The following RBM6 variants were observed in gnomAD, a reference collection of about 807,000 sequenced individuals.
RBM6 encodes the protein RNA-binding protein 6.
A neutral mutation model predicts 140.4 loss-of-function variants in RBM6; 23 were observed. That is an observed-to-expected ratio of 0.16 (90% CI 0.12 to 0.23). RBM6 has a LOEUF of 0.23. Ranked by LOEUF, RBM6 falls within the 10% of genes least tolerant of loss-of-function variation. The pLI is 1.00. For missense variants in RBM6, 1,139 were observed against 1,386.7 expected (o/e 0.82, Z 2.84); for synonymous variants, 439 against 475.6 (o/e 0.92, Z 1.00).
intron 1 of RBM6, among the ~76,000 whole-genome samples, chr3:49,951,031 A>G (rs1307250297): frequency 2.6e-5 from 4 of 152,174 alleles, no homozygotes; most frequent in African/African-American, 4.8e-5. Context: ...AAGGAAGGTA[A>G]TTCTGACATA....
At chr3:50,050,528 C>T (rs181101083) in intron 7 of RBM6, among the ~76,000 whole-genome samples, 5 of 152,144 alleles carry the variant, frequency 3.3e-5, no homozygotes, top group African/African-American at 4.8e-5. Context: ...TTTGTTTGAA[C>T]AGCTGTTTTC....
At chr3:49,993,602 A>G (rs2085929204) in intron 5 of RBM6, among the ~76,000 whole-genome samples, 1 of 152,108 alleles carries the variant, frequency 6.6e-6, no homozygotes, top group Admixed American at 6.5e-5. Context: ...AGATTGCGCC[A>G]CTGCACTCCA....
Position 49,968,619 on chromosome 3 carries a change from C to T in RBM6, c.1194C>T (p.Asp398=), listed in dbSNP as rs142086617. 5 of 1,614,156 alleles carry T rather than the reference C, an allele frequency of 3.1e-6. No individual in the cohort carries two copies. In the African/African-American group the frequency reaches 5.3e-5, roughly 17 times the overall value. ...GTCTGGACTTTCTTGGGCGGCAAGA[C>T]ACCGATTACAGAAGCATGGAGTACC... ...EGGLDFLGRQ[D]TDYRSMEYRD... Residue 398 remains aspartate, a synonymous_variant, in exon 3 of 21, where the codon GAC becomes GAT. Coordinates refer to ENST00000266022, the MANE Select transcript of RBM6 (RefSeq NM_005777.3).
rs1186088231 is a variant in RBM6, at chr3:49,947,081, CAAAAAAA to C, written c.-67+6871_-67+6877del. On this transcript the variant is annotated intron_variant, in intron 1 of 20. Coordinates refer to ENST00000266022, the MANE Select transcript of RBM6 (RefSeq NM_005777.3). ...TGAAACCCTGTCTCTACTAAAAATA[CAAAAAAA>C]AAAAAAAAAAAAAATTAGCCGGGCG... 7.5e-5 allele frequency among the ~76,000 whole-genome samples: 8 copies of C among 106,034 alleles called. No homozygotes were observed. In the South Asian group the frequency reaches 1.2e-3, roughly 16 times the overall value. 69.6% of individuals were successfully genotyped at this position (106,034 alleles called of 152,430 possible). A position where few individuals can be genotyped will look rare whatever the true frequency, so the allele number is the denominator to read the frequency against.
At chr3:50,007,961 T>C (rs1215580066) in intron 6 of RBM6, among the ~76,000 whole-genome samples, 2 of 152,186 alleles carry the variant, frequency 1.3e-5, no homozygotes, top group African/African-American at 2.4e-5. Context: ...CTGGGTATGG[T>C]GGTGCACACC....
At chr3:50,065,177 C>A in intron 16 of RBM6, 51 bp downstream of exon 16, 1 of 1,446,260 alleles carries the variant, frequency 6.9e-7, no homozygotes, top group Non-Finnish European at 9.5e-7. Context: ...GGGGATGGTT[C>A]CGAGTAGAAG....
chr3:50,002,162 A>G (rs920821512), intron 6 of RBM6, among the ~76,000 whole-genome samples: 4 of 151,780 alleles, frequency 2.6e-5, no homozygotes, highest in Non-Finnish European at 5.9e-5. Context: ...ATCTTGGCTC[A>G]CTGCAACCTC....
intron 1 of RBM6, among the ~76,000 whole-genome samples, chr3:49,961,404 A>G (rs1178607353): frequency 6.6e-6 from 1 of 152,096 alleles, no homozygotes; most frequent in Admixed American, 6.6e-5. Context: ...GCTGGTCTCA[A>G]ACTCCTTGGC....
At chr3:50,014,864 A>G (rs2087033627) in intron 6 of RBM6, among the ~76,000 whole-genome samples, 1 of 151,952 alleles carries the variant, frequency 6.6e-6, no homozygotes, top group Admixed American at 6.6e-5. Context: ...GCTAGGTAAT[A>G]TGTGTTCATT....
At chr3:50,018,139 T>C (rs376508648) in intron 6 of RBM6, among the ~76,000 whole-genome samples, 16 of 152,238 alleles carry the variant, frequency 1.1e-4, no homozygotes, top group African/African-American at 3.6e-4. Context: ...TCATACAGAA[T>C]AGTTTCATTG....
intron 1 of RBM6, among the ~76,000 whole-genome samples, chr3:49,954,619 GTC>G (rs936062717): frequency 7.2e-4 from 110 of 152,060 alleles, no homozygotes; most frequent in African/African-American, 2.6e-3. Context: ...TGGTCTGTAT[GTC>G]TATACTATGT....
In RBM6 at chr3:50,077,113, C is replaced by T; in HGVS notation, c.3352C>T (p.Arg1118Ter). Residue 1118 changes from arginine to a stop codon, truncating the protein, a stop_gained, in exon 21 of 21, where the codon CGA becomes TGA. Transcript: ENST00000266022. LOFTEE classifies it high-confidence loss of function. The stretch of plus-strand genomic sequence containing the variant: ...TGCTGTTCGAAGAGTCATGTTTGCT[C>T]GATATAAAGAACTCGATTAAGAAAG... ...RDAVRRVMFA[R>*]YKELD The T allele has an allele frequency of 6.2e-7, 1 of 1,612,020 alleles. No individual in the cohort carries two copies. Among genetic ancestry groups the T allele is most frequent in the Non-Finnish European group, 8.5e-7 (1 of 1,179,458 alleles).
chr3:50,058,379 T>G, intron 9 of RBM6, 23 bp from the exon 10 acceptor site: 1 of 1,592,350 alleles, frequency 6.3e-7, no homozygotes, highest in Non-Finnish European at 8.6e-7. Flanking sequence ...GTGTTGCCCT[T>G]CTCCCATTTA....
chr3:49,956,686 A>G (rs911481454), intron 1 of RBM6, among the ~76,000 whole-genome samples: 3 of 146,350 alleles, frequency 2.0e-5, no homozygotes, highest in African/African-American at 5.1e-5. Context: ...ATTTTTTGAG[A>G]CGGAGTTTCG....
chr3:50,062,664 ACTTTTCTACATTC>A (rs1426914698), intron 15 of RBM6, among the ~76,000 whole-genome samples: 1 of 152,108 alleles, frequency 6.6e-6, no homozygotes, highest in Non-Finnish European at 1.5e-5. Context: ...ATACATTTTC[ACTTTTCTACATTC>A]CTTTTTTAGT....
At chr3:50,046,440 G>A (rs2089227445) in intron 6 of RBM6, among the ~76,000 whole-genome samples, 1 of 147,868 alleles carries the variant, frequency 6.8e-6, no homozygotes, top group African/African-American at 2.5e-5. Flanking sequence ...TTAGCCAAGC[G>A]TGGTGGCATA....
rs765453269 is a variant in RBM6 at position 49,967,674 on chromosome 3, T to C, written c.249T>C (p.Gly83=). The C allele has an allele frequency of 3.0e-5, 49 of 1,613,808 alleles. No individual in the cohort carries two copies. Among genetic ancestry groups the C allele is most frequent in the Non-Finnish European group, 4.2e-5 (49 of 1,180,012 alleles). The change falls in exon 3 of 21, where the codon GGT becomes GGC. Residue 83 remains glycine, a synonymous_variant. Coordinates refer to ENST00000266022, the MANE Select transcript of RBM6 (RefSeq NM_005777.3). The surrounding 1 kb of genome is among the most constrained non-coding windows in gnomAD (Gnocchi z 4.0). ...FSYGARDGPH[G]DYRGGEGPGH... ...ATGGAGCTAGAGACGGACCGCATGGTGACTATCGAGGAGGGGAGGGACCTG... is the reference window on the plus strand; with the variant it reads ...ATGGAGCTAGAGACGGACCGCATGGCGACTATCGAGGAGGGGAGGGACCTG...
intron 7 of RBM6, among the ~76,000 whole-genome samples, chr3:50,051,821 CAATG>C (rs753420825): frequency 8.5e-5 from 13 of 152,064 alleles, no homozygotes; most frequent in Non-Finnish European, 2.9e-5. Context: ...TGCTATTTGA[CAATG>C]AAAAGGAATG....
chr3:49,967,604 A>C lies in RBM6; in HGVS notation c.179A>C (p.His60Pro). The change falls in exon 3 of 21, where the codon CAT becomes CCT. Residue 60 changes from histidine (H) to proline (P), a missense_variant. Coordinates refer to ENST00000266022, the MANE Select transcript of RBM6 (RefSeq NM_005777.3). The surrounding 1 kb of genome is among the most constrained non-coding windows in gnomAD (Gnocchi z 4.0). ...TCACTTCCCTTTGATTTCCAGGGGC[A>C]TTCGGGGCCTCCTTTTGCAAATGTA... ...RDSLPFDFQG[H>P]SGPPFANVEE... The C allele has an allele frequency of 6.2e-7, 1 of 1,614,162 alleles. No individual in the cohort carries two copies. Among genetic ancestry groups the C allele is most frequent in the Non-Finnish European group, 8.5e-7 (1 of 1,180,030 alleles).
Sources: gnomAD v4.1 joint callset for allele counts (sites outside exome capture counted in the v4.1 genomes callset) on GRCh38, gnomAD v4.1.1 for gene constraint, Gnocchi (gnomAD v3.1) non-coding constraint, MANE v1.5 for transcripts, NCBI Gene and HGNC (gene_info 2026-07-23, HGNC 2026-07-21) for gene names.